The following ANKRD13D variants were observed in gnomAD, a reference collection of about 807,000 sequenced individuals.
ANKRD13D encodes the protein ankyrin repeat domain 13D, also known as ankyrin repeat domain-containing protein 13D.
In ANKRD13D, 24 loss-of-function variants were observed where a neutral mutation model predicts 68.8. The ratio of observed to expected loss-of-function variants is 0.35; its 90% CI spans 0.25 to 0.49. The LOEUF (loss-of-function observed/expected upper bound fraction) is 0.49, where lower values mean the gene tolerates loss of function less well. ANKRD13D is among the 20% of genes least tolerant of loss of function. ANKRD13D has a pLI of 0.99. For missense variants in ANKRD13D, 735 were observed against 832.1 expected (o/e 0.88, Z 1.44); for synonymous variants, 331 against 336.1 (o/e 0.98, Z 0.16).
rs906966240 is a variant in ANKRD13D at position 67,302,477 on chromosome 11, T to G, written c.*145T>G. On this transcript the variant is annotated 3_prime_UTR_variant, in exon 15 of 15. Coordinates refer to ENST00000511455, the MANE Select transcript of ANKRD13D (RefSeq NM_207354.3). ...GACTGAGATGGAAATAAAGAGACTG[T>G]CGCAGCAGGGCTGCTCTGCTCACTG... 4 of 1,265,674 alleles carry G rather than the reference T, an allele frequency of 3.2e-6. No individual in the cohort carries two copies. The African/African-American group carries it at 4.5e-5, about 14-fold the overall frequency. 78.4% of individuals were successfully genotyped at this position (1,265,674 alleles called of 1,614,324 possible).
At chr11:67,294,744 C>T (rs149388826) in intron 6 of ANKRD13D, among the ~76,000 whole-genome samples, 8 of 152,078 alleles carry the variant, frequency 5.3e-5, no homozygotes, top group African/African-American at 1.7e-4. Flanking sequence ...TTCACCATGT[C>T]GGACCAGGCT....
chr11:67,302,320 C>T lies in ANKRD13D; in HGVS notation c.1806C>T (p.Leu602=), dbSNP rs1861048182. 6.6e-7 allele frequency: 1 copy of T among 1,525,408 alleles called. No homozygotes were observed. The highest frequency in any genetic ancestry group is 1.2e-5 in the South Asian group (1 of 81,940). The allele number at this position is 1,525,408 out of a possible 1,614,324, so 94.5% of individuals were successfully genotyped here. ...TACAGCGGATCCTGCAGCTGTCACTCACTGAGCACTGAGCCATAGCCCCGG... is the reference window on the plus strand; with the variant it reads ...TACAGCGGATCCTGCAGCTGTCACTTACTGAGCACTGAGCCATAGCCCCGG... ...EDLQRILQLS[L]TEH The change falls in exon 15 of 15, where the codon CTC becomes CTT. Residue 602 remains leucine (L), a synonymous_variant. Transcript: ENST00000511455.
At chr11:67,290,531 A>G (rs1860490552) in intron 3 of ANKRD13D, 85 bp downstream of exon 3, 3 of 1,484,472 alleles carry the variant, frequency 2.0e-6, no homozygotes, top group Non-Finnish European at 2.7e-6. Context: ...TTGGAAAGGC[A>G]CCCAGTTTGT....
At position 67,299,166 on chromosome 11, in the gene ANKRD13D, G is replaced by A. The variant is rs770090006; in HGVS notation, c.798+42G>A. On this transcript the variant is annotated intron_variant, in intron 7 of 14. Transcript: ENST00000511455. The surrounding 1 kb of genome is among the most constrained non-coding windows in gnomAD (Gnocchi z 6.2). ...GTGGGGGGCTGGGGGTAGGAGATGA[G>A]GTCCAGGAACTCAGCTCCTCTCCAC... The A allele has an allele frequency of 1.7e-5, 26 of 1,572,146 alleles. No homozygotes were observed. In the African/African-American group the frequency reaches 3.2e-4, roughly 20 times the overall value.
chr11:67,299,176 C>G lies in ANKRD13D; in HGVS notation c.798+52C>G. ...GGGGGTAGGAGATGAGGTCCAGGAACTCAGCTCCTCTCCACATCCATCCCA... is the reference window on the plus strand; with the variant it reads ...GGGGGTAGGAGATGAGGTCCAGGAAGTCAGCTCCTCTCCACATCCATCCCA... On this transcript the variant is annotated intron_variant, in intron 7 of 14. Coordinates refer to ENST00000511455, the MANE Select transcript of ANKRD13D (RefSeq NM_207354.3). The surrounding 1 kb of genome is among the most constrained non-coding windows in gnomAD (Gnocchi z 6.2). 1 of 1,587,470 alleles carries G rather than the reference C, an allele frequency of 6.3e-7. No homozygotes were observed. Among genetic ancestry groups the G allele is most frequent in the Non-Finnish European group, 8.6e-7 (1 of 1,158,856 alleles).
chr11:67,300,326 T>G lies in ANKRD13D; in HGVS notation c.1073+203T>G. The G allele has an allele frequency of 1.5e-6, 1 of 652,906 alleles. No homozygotes were observed. 40.4% of individuals were successfully genotyped at this position (652,906 alleles called of 1,614,324 possible). A position where few individuals can be genotyped will look rare whatever the true frequency, so the allele number is the denominator to read the frequency against. On this transcript the variant is annotated intron_variant, in intron 10 of 14. Transcript: ENST00000511455. The surrounding 1 kb of genome is among the most constrained non-coding windows in gnomAD (Gnocchi z 4.3). ...TGGCACAGAAAACCGGTAGTTTGTC[T>G]TTGATGAATGGATGGTGCCACCCAT...
At position 67,290,083 on chromosome 11, in the gene ANKRD13D, C is replaced by T. The variant is rs1860468577; in HGVS notation, c.96C>T (p.Asp32=). The stretch of plus-strand genomic sequence containing the variant: ...GAGTGTCCCGTCTCCCCCAGCACGA[C>T]ATTGAACAGGAGGACCCCCGCGGGC... The part of the protein sequence containing the change: ...LEAALHSHQH[D]IEQEDPRGRT... The change falls in exon 2 of 15, where the codon GAC becomes GAT. Residue 32 remains aspartate, a synonymous_variant. Transcript: ENST00000511455. The T allele has an allele frequency of 1.3e-6, 2 of 1,536,904 alleles. No individual in the cohort carries two copies. Among genetic ancestry groups the T allele is most frequent in the Non-Finnish European group, 8.7e-7 (1 of 1,146,810 alleles).
chr11:67,299,387 G>C lies in ANKRD13D; in HGVS notation c.799-143G>C. The C allele has an allele frequency of 3.8e-6, 3 of 781,150 alleles. No individual in the cohort carries two copies. Among genetic ancestry groups the C allele is most frequent in the Non-Finnish European group, 6.2e-6 (3 of 480,448 alleles). 48.4% of individuals were successfully genotyped at this position (781,150 alleles called of 1,614,324 possible). Reference sequence around the variant, plus strand: ...ATCTCCTCGTTGGTGACTTCCTGGGGTTCAGACCCTGCCACCTCCTCCATT... The same window carrying C: ...ATCTCCTCGTTGGTGACTTCCTGGGCTTCAGACCCTGCCACCTCCTCCATT... On this transcript the variant is annotated intron_variant, in intron 7 of 14. Coordinates refer to ENST00000511455, the MANE Select transcript of ANKRD13D (RefSeq NM_207354.3). This position sits in a 1 kb window ranked among gnomAD's most constrained non-coding sequence, Gnocchi z 6.2.
rs1861052439 is a variant in ANKRD13D, at chr11:67,302,386, A to G, written c.*54A>G. On this transcript the variant is annotated 3_prime_UTR_variant, in exon 15 of 15. Transcript: ENST00000511455. ...CACTCCCTGCCCGCTTTTGTAATTT[A>G]TTTATTTATAAACTCTCTGCTGCTG... is the stretch of plus-strand genomic sequence containing the variant. 1.4e-6 allele frequency: 2 copies of G among 1,444,884 alleles called. No individual in the cohort carries two copies. The highest frequency in any genetic ancestry group is 3.0e-5 in the South Asian group (2 of 67,732). 89.5% of individuals were successfully genotyped at this position (1,444,884 alleles called of 1,614,324 possible).
At chr11:67,295,540 C>T (rs1319202050) in intron 6 of ANKRD13D, among the ~76,000 whole-genome samples, 2 of 151,834 alleles carry the variant, frequency 1.3e-5, no homozygotes, top group African/African-American at 4.8e-5. Flanking sequence ...AGCTGGCCAA[C>T]ATGGTGAAAC....
Position 67,299,649 on chromosome 11 carries a change from C to T in ANKRD13D, c.880+38C>T, listed in dbSNP as rs766875775. On this transcript the variant is annotated intron_variant, in intron 8 of 14. Coordinates refer to ENST00000511455, the MANE Select transcript of ANKRD13D (RefSeq NM_207354.3). The surrounding 1 kb of genome is among the most constrained non-coding windows in gnomAD (Gnocchi z 6.2). ...GCGCCTGCCTGCTGCCCGGTCACAC[C>T]GTGTGGTGGGGTCACCCTGGCCTGG... 58 of 1,547,720 alleles carry T rather than the reference C, an allele frequency of 3.7e-5. No homozygotes were observed. Among genetic ancestry groups the T allele is most frequent in the Middle Eastern group, 4.0e-4 (2 of 5,060 alleles).
chr11:67,289,896 C>A (rs1183232419), intron 1 of ANKRD13D, 182 bp from the exon 2 acceptor site: 1 of 1,437,066 alleles, frequency 7.0e-7, no homozygotes, highest in African/African-American at 1.4e-5. Flanking sequence ...CCCGGCTCTG[C>A]CCCTGCCTTC....
intron 6 of ANKRD13D, among the ~76,000 whole-genome samples, chr11:67,293,954 C>T (rs1224356606): frequency 3.3e-5 from 5 of 152,186 alleles, no homozygotes; most frequent in Admixed American, 6.5e-5. Flanking sequence ...TTGCATGTGA[C>T]TATCCAGTTG....
At position 67,300,471 on chromosome 11, in the gene ANKRD13D, G is replaced by A. The variant is rs1237399350; in HGVS notation, c.1073+348G>A. On this transcript the variant is annotated intron_variant, in intron 10 of 14. Coordinates refer to ENST00000511455, the MANE Select transcript of ANKRD13D (RefSeq NM_207354.3). This position sits in a 1 kb window ranked among gnomAD's most constrained non-coding sequence, Gnocchi z 4.3. ...TGCCTTGGTGGAACAGAACAGTTACGCTCTTGCCTCGTGAGGAGCCTTGAG... is the reference window on the plus strand; with the variant it reads ...TGCCTTGGTGGAACAGAACAGTTACACTCTTGCCTCGTGAGGAGCCTTGAG... 4 of 341,226 alleles carry A rather than the reference G, an allele frequency of 1.2e-5. No homozygotes were observed. The highest frequency in any genetic ancestry group is 2.2e-5 in the Non-Finnish European group (4 of 184,144). 21.1% of individuals were successfully genotyped at this position (341,226 alleles called of 1,614,324 possible).
chr11:67,300,094 C>A lies in ANKRD13D; in HGVS notation c.1044C>A (p.Arg348=). 1 of 1,614,024 alleles carries A rather than the reference C, an allele frequency of 6.2e-7. No individual in the cohort carries two copies. The highest frequency in any genetic ancestry group is 8.5e-7 in the Non-Finnish European group (1 of 1,179,968). ...GCCTGGAGTCACGGAACATTGGCCG[C>A]CCCATCGAGATGTCCAGCAAAGTAC... ...NFSLESRNIG[R]PIEMSSKVQR... The change falls in exon 10 of 15, where the codon CGC becomes CGA. Residue 348 remains arginine (R), a synonymous_variant. Transcript: ENST00000511455. This position sits in a 1 kb window ranked among gnomAD's most constrained non-coding sequence, Gnocchi z 4.3.
At chr11:67,296,945 C>T (rs1860776424) in intron 6 of ANKRD13D, among the ~76,000 whole-genome samples, 1 of 152,020 alleles carries the variant, frequency 6.6e-6, no homozygotes, top group African/African-American at 2.4e-5. Context: ...CTTTTTTTGC[C>T]CACCGTGGTC....
At chr11:67,293,021 A>G (rs1411453801) in intron 6 of ANKRD13D, among the ~76,000 whole-genome samples, 2 of 152,210 alleles carry the variant, frequency 1.3e-5, no homozygotes, top group Non-Finnish European at 2.9e-5. Flanking sequence ...GTATGAATAT[A>G]CCATATCTTG....
Position 67,299,848 on chromosome 11 carries a change from C to A in ANKRD13D, c.902C>A (p.Ser301Tyr). 1 of 1,537,266 alleles carries A rather than the reference C, an allele frequency of 6.5e-7. No individual in the cohort carries two copies. Among genetic ancestry groups the A allele is most frequent in the South Asian group, 1.3e-5 (1 of 79,304 alleles). The change falls in exon 9 of 15, where the codon TCC becomes TAC. Residue 301 changes from serine to tyrosine, a missense_variant. Transcript: ENST00000511455. The surrounding 1 kb of genome is among the most constrained non-coding windows in gnomAD (Gnocchi z 6.2). ...RSKAGKTPFQSFLGMAQQHSS... is the reference protein window; with the variant it reads ...RSKAGKTPFQYFLGMAQQHSS... ...GTAGCGGGGAAGACTCCATTCCAGT[C>A]CTTCCTGGGGATGGCGCAGCAGCAT...
Position 67,291,521 on chromosome 11 carries a change from G to A in ANKRD13D, c.397G>A (p.Val133Met), listed in dbSNP as rs2136520299. ...VEMKWEFTSW[V>M]PLVSKMCPSD... Reference sequence around the variant, plus strand: ...GATGAAGTGGGAGTTCACCAGCTGGGGTGAGTGGGGACCTCTGGGCTCCCA... The same window carrying A: ...GATGAAGTGGGAGTTCACCAGCTGGAGTGAGTGGGGACCTCTGGGCTCCCA... Residue 133 changes from valine (V) to methionine (M), a missense_variant and splice_region_variant, in exon 4 of 15, where the codon GTG becomes ATG. Val to Met is a conservative substitution (Grantham distance 21). Coordinates refer to ENST00000511455, the MANE Select transcript of ANKRD13D (RefSeq NM_207354.3). 6.8e-6 allele frequency: 11 copies of A among 1,614,030 alleles called. No homozygotes were observed. Among genetic ancestry groups the A allele is most frequent in the Non-Finnish European group, 8.5e-6 (10 of 1,180,006 alleles).
Sources: allele counts gnomAD v4.1 joint callset (sites outside exome capture counted in the v4.1 genomes callset), GRCh38; gene constraint gnomAD v4.1.1; non-coding constraint Gnocchi (gnomAD v3.1); transcripts MANE v1.5; gene names NCBI Gene and HGNC (gene_info 2026-07-23, HGNC 2026-07-21).